ANKRD27: variants seen among roughly 807,000 people sequenced by gnomAD.
ANKRD27 encodes the protein ankyrin repeat domain 27, also known as ankyrin repeat domain-containing protein 27.
In ANKRD27, 112 loss-of-function variants were observed where a neutral mutation model predicts 129.7. The ratio of observed to expected loss-of-function variants is 0.86; its 90% CI spans 0.74 to 1.01. The LOEUF (loss-of-function observed/expected upper bound fraction) is 1.01. ANKRD27 is among the 50% of genes least tolerant of loss of function. The pLI is 0.00. For missense variants in ANKRD27, 1,258 were observed against 1,300.5 expected (o/e 0.97, Z 0.50); for synonymous variants, 516 against 511.2 (o/e 1.01, Z -0.13).
intron 23 of ANKRD27, 118 bp from the exon 24 acceptor site, chr19:32,606,072 G>A (rs1971730374): frequency 8.8e-6 from 8 of 911,610 alleles, no homozygotes; most frequent in South Asian, 2.5e-5. Context: ...AGTTTCTGGA[G>A]AGAAATGCTC....
At chr19:32,666,639 CTATTT>C (rs1568422075) in intron 1 of ANKRD27, among the ~76,000 whole-genome samples, 3 of 112,020 alleles carry the variant, frequency 2.7e-5, no homozygotes, top group Admixed American at 2.1e-4. Flanking sequence ...AATCAGATTT[CTATTT>C]TTTTTTTTTT....
intron 1 of ANKRD27, among the ~76,000 whole-genome samples, chr19:32,670,449 G>A (rs536743316): frequency 2.3e-4 from 31 of 134,548 alleles, no homozygotes; most frequent in African/African-American, 8.8e-4. Flanking sequence ...CGAGGCGGGC[G>A]GATCACCTGA....
intron 12 of ANKRD27, 100 bp downstream of exon 12, chr19:32,639,256 G>A: frequency 7.0e-7 from 1 of 1,427,494 alleles, no homozygotes; most frequent in Non-Finnish European, 9.6e-7. Flanking sequence ...ATTCCTGGGA[G>A]GCAATTTAAG....
At chr19:32,631,044 A>T (rs1966983588) in intron 13 of ANKRD27, among the ~76,000 whole-genome samples, 1 of 151,710 alleles carries the variant, frequency 6.6e-6, no homozygotes, top group African/African-American at 2.4e-5. Context: ...TTTTTGAGAC[A>T]GAGTCTCTCT....
At chr19:32,664,775 C>G (rs532910710) in intron 1 of ANKRD27, among the ~76,000 whole-genome samples, 77 of 150,726 alleles carry the variant, frequency 5.1e-4, no homozygotes, top group Non-Finnish European at 9.3e-4. Flanking sequence ...CCTGGGCAAC[C>G]CCATCTTTAC....
chr19:32,621,239 T>A (rs1367987217), intron 18 of ANKRD27, among the ~76,000 whole-genome samples: 4 of 152,192 alleles, frequency 2.6e-5, no homozygotes, highest in Non-Finnish European at 5.9e-5. Context: ...GCCAGCACCC[T>A]GGGAGGCCAA....
intron 2 of ANKRD27, among the ~76,000 whole-genome samples, chr19:32,653,845 G>A (rs1028278696): frequency 6.6e-6 from 1 of 152,224 alleles, no homozygotes. Context: ...CCAGCAGCGT[G>A]CACGCAGGGA....
chr19:32,669,224 G>A (rs1431094814), intron 1 of ANKRD27, among the ~76,000 whole-genome samples: 1 of 152,146 alleles, frequency 6.6e-6, no homozygotes, highest in African/African-American at 2.4e-5. Flanking sequence ...AGGTGCCCTG[G>A]GTTCTGCTTG....
intron 16 of ANKRD27, 86 bp from the exon 17 acceptor site, chr19:32,626,052 T>G: frequency 9.9e-7 from 1 of 1,009,258 alleles, no homozygotes. Context: ...GGAGGTCATT[T>G]GCTCCCATCT....
Position 32,644,365 on chromosome 19 carries a change from GT to G in ANKRD27, c.484del (p.Thr162HisfsTer14), listed in dbSNP as rs1967261508. Reference sequence around the variant, plus strand: ...GCTCTTTCTCTCGCATTCTCGGAATGTTCGATGGAAAGAGGCGATGTTCCTG... The same window carrying G: ...GCTCTTTCTCTCGCATTCTCGGAATGTCGATGGAAAGAGGCGATGTTCCTG... ...FDRNIASFHRTFRECERKSLR... is the reference protein window; with the variant it reads ...FDRNIASFHRXFRECERKSLR... On this transcript the variant is annotated frameshift_variant, in exon 5 of 29. Transcript: ENST00000306065. LOFTEE classifies it high-confidence loss of function. 4.3e-6 allele frequency: 7 copies of G among 1,613,944 alleles called. No homozygotes were observed. The highest frequency in any genetic ancestry group is 5.9e-6 in the Non-Finnish European group (7 of 1,179,994).
In ANKRD27 at chr19:32,598,439, G is replaced by A. The variant is rs890122360; in HGVS notation, c.2920-61C>T. 56 of 1,508,926 alleles carry A rather than the reference G, an allele frequency of 3.7e-5. No homozygotes were observed. The Admixed American group carries it at 9.4e-4, about 25-fold the overall frequency. The allele number at this position is 1,508,926 out of a possible 1,614,324, so 93.5% of individuals were successfully genotyped here. ...TCACTGTACTGGAAGCCACAACCAT[G>A]ACAGTGACAGCTGCCCCTTAGTGCC... On this transcript the variant is annotated intron_variant, in intron 28 of 28. Transcript: ENST00000306065.
intron 17 of ANKRD27, 87 bp downstream of exon 17, chr19:32,625,787 C>A: frequency 8.6e-7 from 1 of 1,158,296 alleles, no homozygotes. Context: ...TAATTATCGA[C>A]ACAAAATACA....
Position 32,598,034 on chromosome 19 carries a change from T to A in ANKRD27, c.*111A>T. The A allele has an allele frequency of 9.6e-7, 1 of 1,044,560 alleles. No homozygotes were observed. The allele number at this position is 1,044,560 out of a possible 1,614,324, so 64.7% of individuals were successfully genotyped here. A position where few individuals can be genotyped will look rare whatever the true frequency, so the allele number is the denominator to read the frequency against. ...TTTCAGGAACTTGGTGCTGAAGACT[T>A]CTCAAGCCAGTCTCATGGAAGCACA... On this transcript the variant is annotated 3_prime_UTR_variant, in exon 29 of 29. Coordinates refer to ENST00000306065, the MANE Select transcript of ANKRD27 (RefSeq NM_032139.3).
intron 3 of ANKRD27, among the ~76,000 whole-genome samples, chr19:32,648,016 A>G (rs981008309): frequency 1.3e-5 from 2 of 152,248 alleles, no homozygotes; most frequent in Admixed American, 6.5e-5. Flanking sequence ...CTGTAATCCA[A>G]GCACTTTCGG....
At chr19:32,649,543 G>GC (rs1197165954) in intron 3 of ANKRD27, 139 bp downstream of exon 3, 14 of 662,806 alleles carry the variant, frequency 2.1e-5, no homozygotes, top group Non-Finnish European at 3.5e-5. Context: ...GGTCCCTCCA[G>GC]CCCCCCACGG....
At chr19:32,647,774 G>T (rs74782412) in intron 3 of ANKRD27, among the ~76,000 whole-genome samples, 24 of 152,330 alleles carry the variant, frequency 1.6e-4, no homozygotes, top group Non-Finnish European at 2.6e-4. Flanking sequence ...TGCGCAGCTG[G>T]TCTGCCCCCA....
intron 18 of ANKRD27, among the ~76,000 whole-genome samples, chr19:32,621,890 C>T (rs895755829): frequency 6.6e-6 from 1 of 152,176 alleles, no homozygotes; most frequent in Admixed American, 6.5e-5. Flanking sequence ...CTCTGCGAGC[C>T]ACCTCCAAGC....
chr19:32,661,220 TACACAC>T (rs71176143), intron 1 of ANKRD27, among the ~76,000 whole-genome samples: 18 of 43,522 alleles, frequency 4.1e-4, no homozygotes, highest in South Asian at 1.2e-3. Flanking sequence ...AAAAAAATTA[TACACAC>T]ACACACACAC....
chr19:32,607,519 C>T lies in ANKRD27; in HGVS notation c.2373+116G>A, dbSNP rs924594432. 2.8e-5 allele frequency: 36 copies of T among 1,265,198 alleles called. 1 individual carries two copies. The South Asian group carries it at 3.4e-4, about 12-fold the overall frequency. The allele number at this position is 1,265,198 out of a possible 1,614,324, so 78.4% of individuals were successfully genotyped here. ...GTGTGCACCTCAGAATCTCAGGGCT[C>T]GGGGGAGCAGTGTCCTCCAGGGTAG... On this transcript the variant is annotated intron_variant, in intron 23 of 28. Transcript: ENST00000306065.
Sources: gnomAD v4.1 joint callset for allele counts (sites outside exome capture counted in the v4.1 genomes callset) on GRCh38, gnomAD v4.1.1 for gene constraint, MANE v1.5 for transcripts, NCBI Gene and HGNC (gene_info 2026-07-23, HGNC 2026-07-21) for gene names.